AKAIN1: variants seen among roughly 807,000 people sequenced by gnomAD.
AKAIN1 encodes A-kinase anchor protein inhibitor 1.
AKAIN1 carries 3 observed loss-of-function variants against 3.7 expected under a neutral mutation model. The observed-to-expected ratio is 0.82, with a 90% CI of 0.37 to 2.12. The LOEUF (loss-of-function observed/expected upper bound fraction) is 2.12. AKAIN1 is among the 30% of genes most tolerant of loss of function. The pLI is 0.06. For synonymous variants in AKAIN1, 31 were observed against 30.8 expected (o/e 1.01, Z -0.02); for missense variants, 82 against 82.7 (o/e 0.99, Z 0.03).
intron 1 of AKAIN1, among the ~76,000 whole-genome samples, chr18:5,196,285 C>G (rs1174124638): frequency 6.6e-6 from 1 of 152,238 alleles, no homozygotes; most frequent in Non-Finnish European, 1.5e-5. Context: ...CCCGCTTCCT[C>G]GATTAGCCTG....
At chr18:5,180,553 C>T (rs545778607) in intron 1 of AKAIN1, among the ~76,000 whole-genome samples, 6 of 152,196 alleles carry the variant, frequency 3.9e-5, no homozygotes, top group South Asian at 4.1e-4. Context: ...TGCTTCTTGA[C>T]GTAAGTTATT....
chr18:5,149,452 G>C (rs1282845363), intron 1 of AKAIN1, among the ~76,000 whole-genome samples: 1 of 152,186 alleles, frequency 6.6e-6, no homozygotes, highest in African/African-American at 2.4e-5. Flanking sequence ...GAACCGTTCA[G>C]CTGAGCTTCA....
intron 1 of AKAIN1, among the ~76,000 whole-genome samples, chr18:5,172,487 T>C (rs2071203259): frequency 6.6e-6 from 1 of 152,084 alleles, no homozygotes; most frequent in African/African-American, 2.4e-5. Flanking sequence ...TGACTCATCT[T>C]TGATAATTAG....
chr18:5,179,235 A>G (rs2071243387), intron 1 of AKAIN1, among the ~76,000 whole-genome samples: 1 of 152,054 alleles, frequency 6.6e-6, no homozygotes, highest in Non-Finnish European at 1.5e-5. Context: ...AGTGTCTATT[A>G]CTTCTCTCCT....
intron 1 of AKAIN1, among the ~76,000 whole-genome samples, chr18:5,176,821 C>T (rs2071229455): frequency 6.6e-6 from 1 of 151,692 alleles, no homozygotes; most frequent in African/African-American, 2.4e-5. Context: ...AACTAACTCC[C>T]TTAAAATTCT....
intron 1 of AKAIN1, among the ~76,000 whole-genome samples, chr18:5,153,035 C>T (rs2143314679): frequency 6.6e-6 from 1 of 152,312 alleles, no homozygotes; most frequent in East Asian, 1.9e-4. Flanking sequence ...CCTTGAAACA[C>T]AGATGGACTT....
intron 1 of AKAIN1, among the ~76,000 whole-genome samples, chr18:5,190,248 C>A (rs1389102122): frequency 1.3e-5 from 2 of 152,170 alleles, no homozygotes; most frequent in East Asian, 3.8e-4. Flanking sequence ...AGGTCTACTT[C>A]TTAATACTGT....
At chr18:5,193,123 T>C (rs2071331066) in intron 1 of AKAIN1, among the ~76,000 whole-genome samples, 1 of 152,200 alleles carries the variant, frequency 6.6e-6, no homozygotes, top group Non-Finnish European at 1.5e-5. Flanking sequence ...ATAAATACCT[T>C]GCAATAAATA....
chr18:5,174,780 T>A (rs780570004), intron 1 of AKAIN1, among the ~76,000 whole-genome samples: 17 of 151,850 alleles, frequency 1.1e-4, no homozygotes, highest in Non-Finnish European at 2.1e-4. Flanking sequence ...GATGGAGTGA[T>A]CGTGACATTT....
chr18:5,188,737 C>G (rs2071301665), intron 1 of AKAIN1, among the ~76,000 whole-genome samples: 1 of 152,028 alleles, frequency 6.6e-6, no homozygotes, highest in Non-Finnish European at 1.5e-5. Flanking sequence ...GCAAAATTAA[C>G]CAGCAAACAA....
At chr18:5,172,429 C>A (rs947656457) in intron 1 of AKAIN1, among the ~76,000 whole-genome samples, 2 of 151,882 alleles carry the variant, frequency 1.3e-5, no homozygotes, top group East Asian at 3.9e-4. Context: ...ATATATGCAC[C>A]TGCTATGTAC....
chr18:5,166,259 C>T (rs2071167246), intron 1 of AKAIN1, among the ~76,000 whole-genome samples: 1 of 151,898 alleles, frequency 6.6e-6, no homozygotes, highest in African/African-American at 2.4e-5. Context: ...AGGTTCAAGT[C>T]TTAGAGCAAT....
At position 5,197,172 on chromosome 18, in the gene AKAIN1, C is replaced by CG. The variant is rs1471542469; in HGVS notation, c.-120dup. 1.3e-6 allele frequency: 2 copies of CG among 1,509,552 alleles called. No homozygotes were observed. The highest frequency in any genetic ancestry group is 4.1e-5 in the Admixed American group (2 of 48,830). 93.5% of individuals were successfully genotyped at this position (1,509,552 alleles called of 1,614,324 possible). A position where few individuals can be genotyped will look rare whatever the true frequency, so the allele number is the denominator to read the frequency against. On this transcript the variant is annotated 5_prime_UTR_variant, in exon 1 of 2. Transcript: ENST00000434239. This position sits in a 1 kb window ranked among gnomAD's most constrained non-coding sequence, Gnocchi z 6.9. ...GAGGGCGCGCTGGGCGGGCGGCGGG[C>CG]GGGGCGGTCAGCACCCCGGACAGCT...
At chr18:5,190,613 T>C (rs2071313492) in intron 1 of AKAIN1, among the ~76,000 whole-genome samples, 1 of 152,140 alleles carries the variant, frequency 6.6e-6, no homozygotes, top group African/African-American at 2.4e-5. Flanking sequence ...CCCAATCTGT[T>C]TGTGCTACTA....
rs985603058 is a variant in AKAIN1, at chr18:5,145,799, T to C, written c.17-44A>G. ...AGGAGGGGAAAAGGAGAGAAATTAA[T>C]TTCAGGAATGTGAGAGGGAAAGGTA... On this transcript the variant is annotated intron_variant, in intron 1 of 1. Transcript: ENST00000434239. The C allele has an allele frequency of 2.0e-6, 3 of 1,496,964 alleles. No individual in the cohort carries two copies. The African/African-American group carries it at 4.2e-5, about 21-fold the overall frequency. The allele number at this position is 1,496,964 out of a possible 1,614,324, so 92.7% of individuals were successfully genotyped here.
chr18:5,168,163 A>G (rs1421375900), intron 1 of AKAIN1, among the ~76,000 whole-genome samples: 1 of 152,118 alleles, frequency 6.6e-6, no homozygotes. Flanking sequence ...TTTATTTATC[A>G]CAAATCTTGA....
intron 1 of AKAIN1, among the ~76,000 whole-genome samples, chr18:5,193,664 T>C (rs1441985720): frequency 1.3e-5 from 2 of 152,220 alleles, no homozygotes; most frequent in Admixed American, 1.3e-4. Flanking sequence ...GTGTACTTTG[T>C]CACCTTTAAT....
intron 1 of AKAIN1, among the ~76,000 whole-genome samples, chr18:5,168,850 A>G (rs117294704): frequency 0.02 from 2,965 of 149,712 alleles, 40 homozygotes; most frequent in Non-Finnish European, 0.032. Context: ...GTTTCCTCAT[A>G]TGAGGCAATT....
intron 1 of AKAIN1, among the ~76,000 whole-genome samples, chr18:5,174,305 CTG>C (rs2071213815): frequency 6.6e-6 from 1 of 152,110 alleles, no homozygotes; most frequent in Admixed American, 6.5e-5. Flanking sequence ...CCTATAGGGA[CTG>C]TGAGGACCAC....
Sources: gnomAD v4.1 joint callset for allele counts (sites outside exome capture counted in the v4.1 genomes callset) on GRCh38, gnomAD v4.1.1 for gene constraint, Gnocchi (gnomAD v3.1) non-coding constraint, MANE v1.5 for transcripts, NCBI Gene and HGNC (gene_info 2026-07-23, HGNC 2026-07-21) for gene names.